The following COL24A1 variants were observed in gnomAD, a reference collection of about 807,000 sequenced individuals.
The protein encoded by COL24A1 is collagen type XXIV alpha 1 chain.
A neutral mutation model predicts 253.9 loss-of-function variants in COL24A1; 224 were observed. That is an observed-to-expected ratio of 0.88 (90% CI 0.79 to 0.99). The LOEUF is 0.99. Ranked by LOEUF, COL24A1 falls within the 50% of genes least tolerant of loss-of-function variation. The probability of loss-of-function intolerance (pLI) is 0.00; values close to 1 mark genes in which losing one functional copy is unlikely to be tolerated. For missense variants in COL24A1, 2,131 were observed against 2,068.5 expected, an observed-to-expected ratio of 1.03 and a Z score of -0.59; for synonymous variants, 685 against 673.7, an observed-to-expected ratio of 1.02 and a Z score of -0.26.
chr1:85,908,989 A>G (rs988448451), intron 26 of COL24A1, among the ~76,000 whole-genome samples: 18 of 151,774 alleles, frequency 1.2e-4, no homozygotes, highest in Admixed American at 1.2e-3. Context: ...TATCTTATCC[A>G]TGGATATATG....
intron 28 of COL24A1, among the ~76,000 whole-genome samples, chr1:85,896,682 T>C (rs1329044488): frequency 6.6e-6 from 1 of 152,150 alleles, no homozygotes; most frequent in African/African-American, 2.4e-5. Context: ...GTATTTTTAG[T>C]ACAGACGGGG....
At chr1:86,062,168 T>G (rs1474185494) in intron 8 of COL24A1, among the ~76,000 whole-genome samples, 1 of 152,084 alleles carries the variant, frequency 6.6e-6, no homozygotes. Flanking sequence ...TAATATAGTT[T>G]GGCAAATAAT....
At chr1:85,847,613 G>C in intron 39 of COL24A1, 52 bp downstream of exon 39, 1 of 1,315,968 alleles carries the variant, frequency 7.6e-7, no homozygotes, top group Admixed American at 1.7e-5. Flanking sequence ...GCATGGATAC[G>C]TTTCTTTCCC....
chr1:85,846,060 G>T (rs892854507), intron 39 of COL24A1, among the ~76,000 whole-genome samples: 1 of 151,764 alleles, frequency 6.6e-6, no homozygotes, highest in Non-Finnish European at 1.5e-5. Flanking sequence ...AGAGAATAAA[G>T]TAGAAGAAAA....
intron 57 of COL24A1, among the ~76,000 whole-genome samples, chr1:85,742,469 T>C (rs542583944): frequency 1.3e-5 from 2 of 152,282 alleles, no homozygotes; most frequent in East Asian, 1.9e-4. Context: ...ATCTATGTAG[T>C]CTTAAGCAGT....
intron 37 of COL24A1, among the ~76,000 whole-genome samples, chr1:85,866,331 A>C (rs1679791012): frequency 6.6e-6 from 1 of 152,220 alleles, no homozygotes; most frequent in African/African-American, 2.4e-5. Context: ...GCCATCTGCT[A>C]TATTATCTTG....
At position 86,125,946 on chromosome 1, in the gene COL24A1, T is replaced by C. The variant is rs779255003; in HGVS notation, c.390A>G (p.Arg130=). The change falls in exon 3 of 60, where the codon AGA becomes AGG. Residue 130 remains arginine (R), a synonymous_variant. Transcript: ENST00000370571. ...AFLFSIRNKN[R]LQLGVQLLPK... ...GTAGTAATTGTACTCCTAATTGCAG[T>C]CTATTTTTATTTCTAATGCTGAAGA... The C allele has an allele frequency of 1.2e-6, 2 of 1,613,546 alleles. No individual in the cohort carries two copies. The highest frequency in any genetic ancestry group is 2.2e-5 in the East Asian group (1 of 44,846).
intron 18 of COL24A1, among the ~76,000 whole-genome samples, chr1:86,021,386 C>T (rs61800687): frequency 0.13 from 19,688 of 152,024 alleles, 1,379 homozygotes; most frequent in Middle Eastern, 0.23. Flanking sequence ...AACCCTAAAA[C>T]AGTATGGCAC....
At chr1:85,993,415 T>C (rs1694477956) in intron 19 of COL24A1, among the ~76,000 whole-genome samples, 1 of 149,048 alleles carries the variant, frequency 6.7e-6, no homozygotes, top group Non-Finnish European at 1.5e-5. Context: ...GAATCTCAAA[T>C]GTCTTATGCT....
intron 7 of COL24A1, among the ~76,000 whole-genome samples, chr1:86,078,986 A>G (rs1702442271): frequency 6.6e-6 from 1 of 152,142 alleles, no homozygotes. Flanking sequence ...ACAAAAACCC[A>G]GAATAGCCAA....
intron 51 of COL24A1, among the ~76,000 whole-genome samples, chr1:85,782,493 T>TATAC (rs1237626881): frequency 8.4e-6 from 1 of 119,288 alleles, no homozygotes. Flanking sequence ...ATGTGGCACA[T>TATAC]ATACACCATG....
At chr1:85,971,248 T>C in intron 21 of COL24A1, 92 bp downstream of exon 21, 1 of 962,476 alleles carries the variant, frequency 1.0e-6, no homozygotes, top group Middle Eastern at 2.1e-4. Context: ...CTGATGGTGT[T>C]TAAGCAAAAA....
rs758737373 is a variant in COL24A1, at chr1:85,909,976, C to G, written c.2644G>C (p.Gly882Arg). 8.1e-6 allele frequency: 13 copies of G among 1,610,230 alleles called. No individual in the cohort carries two copies. Among genetic ancestry groups the G allele is most frequent in the Admixed American group, 6.7e-5 (4 of 59,880 alleles). ...KGERGSPGPL[G>R]PQGEKGVMGY... ...ATAACACCTTTTTCTCCCTGCGGACCTAGTGGGCCTGGACTTCCACGTTCT... is the reference window on the plus strand; with the variant it reads ...ATAACACCTTTTTCTCCCTGCGGACGTAGTGGGCCTGGACTTCCACGTTCT... The change falls in exon 26 of 60, where the codon GGT (glycine) becomes CGT (arginine). Residue 882 changes from glycine to arginine, a missense_variant. Physicochemically the swap from Gly to Arg is moderately radical, Grantham distance 125. Transcript: ENST00000370571.
chr1:85,744,044 C>A (rs1557961978), intron 57 of COL24A1, among the ~76,000 whole-genome samples: 1 of 151,890 alleles, frequency 6.6e-6, no homozygotes, highest in Non-Finnish European at 1.5e-5. Flanking sequence ...TCAAACATGT[C>A]ATTGTGTTAA....
intron 18 of COL24A1, 79 bp downstream of exon 18, chr1:86,022,161 T>G: frequency 8.1e-7 from 1 of 1,238,814 alleles, no homozygotes; most frequent in Non-Finnish European, 1.2e-6. Flanking sequence ...TATACCCTAC[T>G]TAGATCAACA....
intron 13 of COL24A1, 37 bp from the exon 14 acceptor site, chr1:86,031,959 G>C: frequency 6.6e-7 from 1 of 1,525,738 alleles, no homozygotes; most frequent in Non-Finnish European, 9.0e-7. Flanking sequence ...TATTAAATTT[G>C]ATTCCCAACT....
chr1:85,883,096 A>G (rs943538219), intron 32 of COL24A1, among the ~76,000 whole-genome samples: 1 of 152,210 alleles, frequency 6.6e-6, no homozygotes, highest in Admixed American at 6.5e-5. Flanking sequence ...GAGTTAGTAT[A>G]TATCAACTGT....
At chr1:86,131,769 C>T (rs892722864) in intron 2 of COL24A1, among the ~76,000 whole-genome samples, 10 of 152,078 alleles carry the variant, frequency 6.6e-5, no homozygotes, top group African/African-American at 2.4e-4. Context: ...CATTGTTGAA[C>T]ATTTGGGTTG....
chr1:85,909,959 T>G lies in COL24A1; in HGVS notation c.2661A>C (p.Lys887Asn). The change falls in exon 26 of 60, where the codon AAA becomes AAC. Residue 887 changes from lysine to asparagine, a missense_variant. Physicochemically the swap from Lys to Asn is moderately conservative, Grantham distance 94. Coordinates refer to ENST00000370571, the MANE Select transcript of COL24A1 (RefSeq NM_152890.7). ...ATCACTGAGCTCTTACCATAACACCTTTTTCTCCCTGCGGACCTAGTGGGC... is the reference window on the plus strand; with the variant it reads ...ATCACTGAGCTCTTACCATAACACCGTTTTCTCCCTGCGGACCTAGTGGGC... The part of the protein sequence containing the change: ...SPGPLGPQGE[K>N]GVMGYPGPPG... The G allele has an allele frequency of 6.2e-7, 1 of 1,605,396 alleles. No individual in the cohort carries two copies. The highest frequency in any genetic ancestry group is 1.3e-5 in the African/African-American group (1 of 74,734).
Sources: gnomAD v4.1 joint callset for allele counts (sites outside exome capture counted in the v4.1 genomes callset) on GRCh38, gnomAD v4.1.1 for gene constraint, MANE v1.5 for transcripts, NCBI Gene and HGNC (gene_info 2026-07-23, HGNC 2026-07-21) for gene names.